Variants in VAT1L observed in about 807,000 individuals in gnomAD.
VAT1L encodes putative NADPH-dependent quinone oxidoreductase VAT1L.
A neutral mutation model predicts 44.1 loss-of-function variants in VAT1L; 34 were observed. The observed-to-expected ratio is 0.77, with a 90% CI of 0.59 to 1.03. The LOEUF (loss-of-function observed/expected upper bound fraction) is 1.03, where lower values mean the gene tolerates loss of function less well. Among genes scored for constraint, VAT1L ranks in the 50% least tolerant of loss-of-function variants. The pLI is 0.00. For synonymous variants in VAT1L, 253 were observed against 202.2 expected (o/e 1.25, Z -2.13); for missense variants, 615 against 538.8 (o/e 1.14, Z -1.40).
At chr16:77,823,937 C>A (rs548152685) in intron 2 of VAT1L, among the ~76,000 whole-genome samples, 54 of 152,222 alleles carry the variant, frequency 3.5e-4, no homozygotes, top group Admixed American at 9.2e-4. Flanking sequence ...ACAGGACAAT[C>A]GCTTGTACCT....
At chr16:77,844,832 C>A (rs2016742888) in intron 3 of VAT1L, among the ~76,000 whole-genome samples, 1 of 150,550 alleles carries the variant, frequency 6.6e-6, no homozygotes. Flanking sequence ...CACATATACA[C>A]ACACGATAAA....
chr16:77,929,790 A>C (rs537351473), intron 7 of VAT1L, among the ~76,000 whole-genome samples: 1 of 152,182 alleles, frequency 6.6e-6, no homozygotes, highest in Non-Finnish European at 1.5e-5. Context: ...AAACTGTCCG[A>C]GGAGACCCAG....
intron 7 of VAT1L, among the ~76,000 whole-genome samples, chr16:77,899,902 C>T (rs1186137968): frequency 1.3e-5 from 2 of 152,348 alleles, no homozygotes; most frequent in South Asian, 2.1e-4. Context: ...CAAATGGCTA[C>T]AAATTACCAA....
chr16:77,898,758 T>C (rs2017350463), intron 7 of VAT1L, among the ~76,000 whole-genome samples: 1 of 152,220 alleles, frequency 6.6e-6, no homozygotes, highest in African/African-American at 2.4e-5. Context: ...GCTACTGCTG[T>C]GCTGCAAACA....
At chr16:77,975,639 T>A (rs2018331198) in intron 8 of VAT1L, among the ~76,000 whole-genome samples, 1 of 152,250 alleles carries the variant, frequency 6.6e-6, no homozygotes, top group Admixed American at 6.5e-5. Flanking sequence ...GGAAGTCGAC[T>A]GCTACTGGCA....
Position 77,862,849 on chromosome 16 carries a change from C to A in VAT1L, c.681C>A (p.His227Gln). 3 of 1,614,090 alleles carry A rather than the reference C, an allele frequency of 1.9e-6. No individual in the cohort carries two copies. Among genetic ancestry groups the A allele is most frequent in the Non-Finnish European group, 2.5e-6 (3 of 1,180,010 alleles). ...KHEAIKDSVT[H>Q]LFDRNADYVQ... ...AAGCAATCAAAGACTCTGTGACCCACCTCTTTGACAGAAATGCAGACTACG... is the reference window on the plus strand; with the variant it reads ...AAGCAATCAAAGACTCTGTGACCCAACTCTTTGACAGAAATGCAGACTACG... Residue 227 changes from histidine to glutamine, a missense_variant, in exon 4 of 9, where the codon CAC becomes CAA. Physicochemically the swap from His to Gln is conservative, Grantham distance 24. Transcript: ENST00000302536.
At chr16:77,948,784 C>A (rs2018003737) in intron 7 of VAT1L, among the ~76,000 whole-genome samples, 1 of 152,084 alleles carries the variant, frequency 6.6e-6, no homozygotes, top group Admixed American at 6.6e-5. Context: ...ATGTTTATGA[C>A]CTTAGGCAGG....
At chr16:77,976,518 C>G (rs887014206) in intron 8 of VAT1L, among the ~76,000 whole-genome samples, 3 of 152,098 alleles carry the variant, frequency 2.0e-5, no homozygotes, top group Admixed American at 2.0e-4. Flanking sequence ...GGGCCAAATT[C>G]CTGTTTGTCA....
In VAT1L at chr16:77,862,854, T is replaced by C. The variant is rs545544640; in HGVS notation, c.686T>C (p.Phe229Ser). ...ATCAAAGACTCTGTGACCCACCTCT[T>C]TGACAGAAATGCAGACTACGTGCAA... ...EAIKDSVTHLFDRNADYVQEV... is the reference protein window; with the variant it reads ...EAIKDSVTHLSDRNADYVQEV... The change falls in exon 4 of 9, where the codon TTT (phenylalanine) becomes TCT (serine). Residue 229 changes from phenylalanine (F) to serine (S), a missense_variant. Phe to Ser is a radical substitution (Grantham distance 155, BLOSUM62 -2). Coordinates refer to ENST00000302536, the MANE Select transcript of VAT1L (RefSeq NM_020927.3). 5.6e-6 allele frequency: 9 copies of C among 1,614,024 alleles called. No homozygotes were observed. Among genetic ancestry groups the C allele is most frequent in the Non-Finnish European group, 7.6e-6 (9 of 1,179,980 alleles).
At chr16:77,888,088 G>T (rs1567498817) in intron 7 of VAT1L, among the ~76,000 whole-genome samples, 1 of 152,140 alleles carries the variant, frequency 6.6e-6, no homozygotes, top group African/African-American at 2.4e-5. Flanking sequence ...TTGACAGTCT[G>T]CTTCCTTCAG....
chr16:77,892,694 C>A, intron 7 of VAT1L: 1 of 730,260 alleles, frequency 1.4e-6, no homozygotes, highest in Non-Finnish European at 2.6e-6. Context: ...CATCCTAAAG[C>A]ATATAGGTCC....
rs2018361811 is a variant in VAT1L at position 77,978,179 on chromosome 16, T to C, written c.*484T>C. ...GCCAGCAGAAAGAGAGTAGGCCGGA[T>C]GTTTTCATGAGCCCACAAATTTAGA... On this transcript the variant is annotated 3_prime_UTR_variant, in exon 9 of 9. Transcript: ENST00000302536. 6.4e-6 allele frequency: 1 copy of C among 155,730 alleles called. No individual in the cohort carries two copies. Among genetic ancestry groups the C allele is most frequent in the African/African-American group, 2.4e-5 (1 of 41,468 alleles). The allele number at this position is 155,730 out of a possible 1,614,324, so 9.6% of individuals were successfully genotyped here.
At chr16:77,807,274 C>T (rs528536117) in intron 1 of VAT1L, among the ~76,000 whole-genome samples, 2 of 152,172 alleles carry the variant, frequency 1.3e-5, no homozygotes, top group Non-Finnish European at 2.9e-5. Context: ...ACTCCCCCAG[C>T]TACCAGGAAT....
intron 1 of VAT1L, among the ~76,000 whole-genome samples, chr16:77,809,417 C>G (rs958147592): frequency 4.6e-5 from 7 of 151,946 alleles, no homozygotes; most frequent in Admixed American, 1.3e-4. Flanking sequence ...TCACAAAGCC[C>G]TATAGGACAG....
chr16:77,938,650 G>A (rs1355393922), intron 7 of VAT1L, among the ~76,000 whole-genome samples: 6 of 152,160 alleles, frequency 3.9e-5, no homozygotes, highest in Non-Finnish European at 5.9e-5. Context: ...CCACCATGAT[G>A]GTAAGTTTCC....
chr16:77,898,981 T>A (rs1248091360), intron 7 of VAT1L, among the ~76,000 whole-genome samples: 1 of 152,214 alleles, frequency 6.6e-6, no homozygotes, highest in Admixed American at 6.5e-5. Flanking sequence ...CAGTTAGTCA[T>A]TTAATAAACT....
At chr16:77,798,619 C>G (rs916562104) in intron 1 of VAT1L, among the ~76,000 whole-genome samples, 2 of 151,946 alleles carry the variant, frequency 1.3e-5, no homozygotes, top group Admixed American at 6.6e-5. Flanking sequence ...TTAAAAAGTC[C>G]CTCTGTGCTT....
At chr16:77,819,000 AT>A (rs11410141) in intron 2 of VAT1L, among the ~76,000 whole-genome samples, 38 of 150,886 alleles carry the variant, frequency 2.5e-4, no homozygotes, top group African/African-American at 8.3e-4. Flanking sequence ...GCCAGGACTG[AT>A]TTTTTTTTTC....
intron 7 of VAT1L, among the ~76,000 whole-genome samples, chr16:77,888,958 G>T (rs2017236275): frequency 6.6e-6 from 1 of 152,200 alleles, no homozygotes; most frequent in South Asian, 2.1e-4. Context: ...CCGACTTTCT[G>T]CCGGCTTTCT....
Sources: gnomAD v4.1 joint callset for allele counts (sites outside exome capture counted in the v4.1 genomes callset) on GRCh38, gnomAD v4.1.1 for gene constraint, MANE v1.5 for transcripts, NCBI Gene and HGNC (gene_info 2026-07-23, HGNC 2026-07-21) for gene names.